The following SKA2 variants were observed in gnomAD, a reference collection of about 807,000 sequenced individuals.
The protein encoded by SKA2 is spindle and kinetochore associated complex subunit 2.
Under a neutral mutation model 16.9 loss-of-function variants are expected in SKA2, and 13 were observed. The observed-to-expected ratio is 0.77, with a 90% CI of 0.50 to 1.22. The LOEUF (loss-of-function observed/expected upper bound fraction) is 1.22. Among genes scored for constraint, SKA2 ranks in the 50% most tolerant of loss-of-function variants. The probability of loss-of-function intolerance (pLI) is 0.00; values close to 1 mark genes in which losing one functional copy is unlikely to be tolerated. For missense variants in SKA2, 107 were observed against 139.7 expected, an observed-to-expected ratio of 0.77 and a Z score of 1.18; for synonymous variants, 47 against 48.5, an observed-to-expected ratio of 0.97 and a Z score of 0.13.
intron 2 of SKA2, among the ~76,000 whole-genome samples, chr17:59,125,884 T>A (rs2046368952): frequency 6.6e-6 from 1 of 151,840 alleles, no homozygotes; most frequent in Admixed American, 6.6e-5. Context: ...TAAAATTATG[T>A]TTCTCTGCCG....
chr17:59,112,080 G>A lies in SKA2; in HGVS notation c.*197C>T. 1.8e-6 allele frequency: 1 copy of A among 562,688 alleles called. No homozygotes were observed. The highest frequency in any genetic ancestry group is 3.2e-6 in the Non-Finnish European group (1 of 312,120). The allele number at this position is 562,688 out of a possible 1,614,324, so 34.9% of individuals were successfully genotyped here. ...CGTTTTATTCTCATTTGATCCTTTT[G>A]GCTGAACTTTATTCATATATTATCT... On this transcript the variant is annotated 3_prime_UTR_variant, in exon 4 of 4. Transcript: ENST00000330137.
intron 1 of SKA2, among the ~76,000 whole-genome samples, chr17:59,139,032 C>T (rs1260905746): frequency 6.6e-6 from 1 of 152,154 alleles, no homozygotes; most frequent in East Asian, 1.9e-4. Context: ...ATTTCAGTCT[C>T]ACCTATGGTG....
At chr17:59,141,295 G>C (rs752032496) in intron 1 of SKA2, among the ~76,000 whole-genome samples, 1 of 152,162 alleles carries the variant, frequency 6.6e-6, no homozygotes, top group Admixed American at 6.5e-5. Flanking sequence ...TACTAGGGAG[G>C]CTGAGGCAGG....
intron 1 of SKA2, among the ~76,000 whole-genome samples, chr17:59,140,232 CTT>C (rs564550353): frequency 9.1e-5 from 13 of 143,246 alleles, no homozygotes; most frequent in Non-Finnish European, 7.7e-5. Flanking sequence ...AATCTGCAAG[CTT>C]TTTTTTTTTT....
At chr17:59,143,584 G>A (rs1456409932) in intron 1 of SKA2, among the ~76,000 whole-genome samples, 1 of 151,946 alleles carries the variant, frequency 6.6e-6, no homozygotes, top group East Asian at 1.9e-4. Context: ...ATGTTGGCCA[G>A]GCTGGTCTCA....
chr17:59,112,017 A>C lies in SKA2; in HGVS notation c.*260T>G. ...ATTTCTGGCCTGAAATTACAAGACTAAGTGTGTGTGTGCATGCGTGTGTAC... is the reference window on the plus strand; with the variant it reads ...ATTTCTGGCCTGAAATTACAAGACTCAGTGTGTGTGTGCATGCGTGTGTAC... On this transcript the variant is annotated 3_prime_UTR_variant, in exon 4 of 4. Coordinates refer to ENST00000330137, the MANE Select transcript of SKA2 (RefSeq NM_182620.4). The C allele has an allele frequency of 2.9e-6, 1 of 346,640 alleles. No individual in the cohort carries two copies. Among genetic ancestry groups the C allele is most frequent in the East Asian group, 5.2e-5 (1 of 19,352 alleles). 21.5% of individuals were successfully genotyped at this position (346,640 alleles called of 1,614,324 possible).
At position 59,147,233 on chromosome 17, in the gene SKA2, CA is replaced by C. The variant is rs2046540068; in HGVS notation, c.33+7897del. ...CTCTAGGTTATTAAAAAAACAAAAA[CA>C]AAAACAAAAACAAAATCAAAATCCT... is the stretch of plus-strand genomic sequence containing the variant. On this transcript the variant is annotated intron_variant, in intron 1 of 3. Coordinates refer to ENST00000330137, the MANE Select transcript of SKA2 (RefSeq NM_182620.4). 2.6e-5 allele frequency among the ~76,000 whole-genome samples: 4 copies of C among 151,958 alleles called. 1 individual carries two copies. Among genetic ancestry groups the C allele is most frequent in the East Asian group, 3.9e-4 (2 of 5,174 alleles).
chr17:59,126,230 CAAAT>C (rs1265006782), intron 2 of SKA2, among the ~76,000 whole-genome samples: 1 of 151,874 alleles, frequency 6.6e-6, no homozygotes, highest in East Asian at 1.9e-4. Context: ...GTTTCTGGAA[CAAAT>C]AAAGTTGAAG....
At chr17:59,126,320 T>C (rs2046372549) in intron 2 of SKA2, among the ~76,000 whole-genome samples, 1 of 152,208 alleles carries the variant, frequency 6.6e-6, no homozygotes, top group African/African-American at 2.4e-5. Context: ...ATGTTGACTT[T>C]TATGCAGAAT....
intron 1 of SKA2, among the ~76,000 whole-genome samples, chr17:59,143,222 T>G (rs1390801156): frequency 6.6e-6 from 1 of 151,556 alleles, no homozygotes; most frequent in Non-Finnish European, 1.5e-5. Context: ...TCTTTTTTTT[T>G]TGAGAGAGTC....
At chr17:59,130,943 A>G (rs1295429399) in intron 2 of SKA2, among the ~76,000 whole-genome samples, 1 of 152,216 alleles carries the variant, frequency 6.6e-6, no homozygotes, top group Non-Finnish European at 1.5e-5. Flanking sequence ...GCTGACTGCC[A>G]GGACTTCTCC....
chr17:59,153,230 A>T (rs184028292), intron 1 of SKA2, among the ~76,000 whole-genome samples: 1 of 152,204 alleles, frequency 6.6e-6, no homozygotes, highest in Non-Finnish European at 1.5e-5. Flanking sequence ...AGAAATATCT[A>T]TATCAGTAGG....
At chr17:59,135,018 A>G (rs1263447530) in intron 1 of SKA2, among the ~76,000 whole-genome samples, 2 of 151,962 alleles carry the variant, frequency 1.3e-5, no homozygotes, top group African/African-American at 2.4e-5. Context: ...TATTTTTAGT[A>G]GAGACGGGGT....
Position 59,119,330 on chromosome 17 carries a change from T to C in SKA2, c.286A>G (p.Thr96Ala). Reference protein sequence around the residue: ...MNMIQKLQKQTDLELSPLTKE... With the variant: ...MNMIQKLQKQADLELSPLTKE... ...ACTGAAAGCATTACCTCCAGGTCTGTTTGCTTCTGTAGTTTTTGTATCATA... is the reference window on the plus strand; with the variant it reads ...ACTGAAAGCATTACCTCCAGGTCTGCTTGCTTCTGTAGTTTTTGTATCATA... Residue 96 changes from threonine (T) to alanine (A), a missense_variant, in exon 3 of 4, where the codon ACA becomes GCA. Coordinates refer to ENST00000330137, the MANE Select transcript of SKA2 (RefSeq NM_182620.4). The C allele has an allele frequency of 6.2e-7, 1 of 1,613,908 alleles. No homozygotes were observed. Among genetic ancestry groups the C allele is most frequent in the South Asian group, 1.1e-5 (1 of 91,066 alleles).
chr17:59,146,983 C>CTT (rs1326375956), intron 1 of SKA2, among the ~76,000 whole-genome samples: 1 of 151,980 alleles, frequency 6.6e-6, no homozygotes, highest in Non-Finnish European at 1.5e-5. Flanking sequence ...CTGGGATGGT[C>CTT]TTTTTTTCTT....
rs547640963 is a variant in SKA2, at chr17:59,110,191, T to C, written c.*2086A>G. ...AAGAGGCTTGAGAAACAAATGAAAA[T>C]GTATTGAGAAGTGCATAGAGAACAA... On this transcript the variant is annotated 3_prime_UTR_variant, in exon 4 of 4. Coordinates refer to ENST00000330137, the MANE Select transcript of SKA2 (RefSeq NM_182620.4). The C allele has an allele frequency of 1.3e-4, 20 of 152,148 alleles. No individual in the cohort carries two copies. The East Asian group carries it at 3.9e-3, about 29-fold the overall frequency. The allele number at this position is 152,148 out of a possible 1,614,324, so 9.4% of individuals were successfully genotyped here.
chr17:59,119,590 C>G (rs2046319537), intron 2 of SKA2, 95 bp from the exon 3 acceptor site: 1 of 1,122,926 alleles, frequency 8.9e-7, no homozygotes, highest in Non-Finnish European at 1.3e-6. Context: ...TTCTACCATC[C>G]ATTTAATTGA....
intron 1 of SKA2, among the ~76,000 whole-genome samples, chr17:59,134,644 G>A (rs542074148): frequency 3.3e-5 from 5 of 151,436 alleles, no homozygotes; most frequent in Non-Finnish European, 5.9e-5. Flanking sequence ...CTCTGCCTCC[G>A]GGGTTCAAGC....
At chr17:59,148,712 G>A (rs1171200097) in intron 1 of SKA2, among the ~76,000 whole-genome samples, 7 of 150,638 alleles carry the variant, frequency 4.6e-5, no homozygotes, top group Non-Finnish European at 8.9e-5. Context: ...GGAGGCTGAG[G>A]TGGGGGAGTA....
Sources: allele counts gnomAD v4.1 joint callset (sites outside exome capture counted in the v4.1 genomes callset), GRCh38; gene constraint gnomAD v4.1.1; transcripts MANE v1.5; gene names NCBI Gene and HGNC (gene_info 2026-07-23, HGNC 2026-07-21).